ELOVL6: variants seen among roughly 807,000 people sequenced by gnomAD.
ELOVL6 encodes ELOVL fatty acid elongase 6, also known as very long chain fatty acid elongase 6.
In ELOVL6, 8 loss-of-function variants were observed where a neutral mutation model predicts 31.7. The ratio of observed to expected loss-of-function variants is 0.25; its 90% CI spans 0.15 to 0.45. The LOEUF is 0.45. ELOVL6 is among the 20% of genes least tolerant of loss of function. The probability of loss-of-function intolerance (pLI) is 1.00; values close to 1 mark genes in which losing one functional copy is unlikely to be tolerated. For missense variants in ELOVL6, 126 were observed against 326.4 expected, an observed-to-expected ratio of 0.39 and a Z score of 4.73; for synonymous variants, 101 against 117.7, an observed-to-expected ratio of 0.86 and a Z score of 0.92.
chr4:110,058,290 G>T (rs921865119), intron 3 of ELOVL6, among the ~76,000 whole-genome samples: 2 of 136,810 alleles, frequency 1.5e-5, no homozygotes, highest in East Asian at 2.7e-4. Context: ...GTCTGTTGGA[G>T]GGGGGGAGCG....
At chr4:110,094,475 AAT>A (rs1210922461) in intron 2 of ELOVL6, among the ~76,000 whole-genome samples, 4 of 137,004 alleles carry the variant, frequency 2.9e-5, no homozygotes, top group Non-Finnish European at 6.2e-5. Context: ...TTACATATAA[AAT>A]ATATGTAATT....
rs1754766897 is a variant in ELOVL6 at position 110,048,922 on chromosome 4, C to G, written c.*2416G>C. The G allele has an allele frequency of 6.6e-6, 1 of 152,194 alleles. No homozygotes were observed. The highest frequency in any genetic ancestry group is 2.4e-5 in the African/African-American group (1 of 41,462). The allele number at this position is 152,194 out of a possible 1,614,324, so 9.4% of individuals were successfully genotyped here. On this transcript the variant is annotated 3_prime_UTR_variant, in exon 4 of 4. Coordinates refer to ENST00000302274, the MANE Select transcript of ELOVL6 (RefSeq NM_024090.3). ...AGAGTCTTTTTAAGGTTTATGCTCA[C>G]TTCCGTTTCTAACCTGCATTAAGAG... is the stretch of plus-strand genomic sequence containing the variant.
chr4:110,123,168 G>A lies in ELOVL6; in HGVS notation c.90-17540C>T, dbSNP rs139084446. Among the ~76,000 whole-genome samples the A allele has an allele frequency of 9.3e-3, 1,411 of 152,174 alleles. 22 individuals are homozygous for A. The highest frequency in any genetic ancestry group is 0.033 in the African/African-American group (1,363 of 41,512). ...GTGTTTTGGACATACTTTTAACAGG[G>A]AAAATACATTATTGAAGACTAAATA... is the stretch of plus-strand genomic sequence containing the variant. On this transcript the variant is annotated intron_variant, in intron 1 of 3. Coordinates refer to ENST00000302274, the MANE Select transcript of ELOVL6 (RefSeq NM_024090.3).
At chr4:110,151,356 T>A (rs1205690490) in intron 1 of ELOVL6, among the ~76,000 whole-genome samples, 9 of 152,118 alleles carry the variant, frequency 5.9e-5, no homozygotes. Context: ...ATATAATAAT[T>A]TTAATAATTT....
intron 1 of ELOVL6, among the ~76,000 whole-genome samples, chr4:110,190,126 CT>C (rs912576745): frequency 1.3e-5 from 2 of 152,068 alleles, no homozygotes; most frequent in Non-Finnish European, 2.9e-5. Context: ...ATATGAATCC[CT>C]GTAAATAAAA....
intron 3 of ELOVL6, among the ~76,000 whole-genome samples, chr4:110,054,759 T>C (rs981546174): frequency 2.0e-5 from 3 of 152,122 alleles, no homozygotes; most frequent in Non-Finnish European, 2.9e-5. Flanking sequence ...AATGGCTTTG[T>C]GTTTCTCCTG....
intron 3 of ELOVL6, among the ~76,000 whole-genome samples, chr4:110,056,125 G>T (rs181030754): frequency 3.0e-4 from 42 of 142,056 alleles, no homozygotes; most frequent in Admixed American, 2.4e-3. Flanking sequence ...TGGGAGCTGG[G>T]GGGGGGGATA....
At chr4:110,134,680 A>G (rs7667291) in intron 1 of ELOVL6, among the ~76,000 whole-genome samples, 85,533 of 152,002 alleles carry the variant, frequency 0.56, 25,619 homozygotes, top group African/African-American at 0.77. Context: ...GATGATGTGA[A>G]CTGGGTGTGG....
At chr4:110,087,968 G>A (rs1160903515) in intron 2 of ELOVL6, among the ~76,000 whole-genome samples, 6 of 152,034 alleles carry the variant, frequency 3.9e-5, no homozygotes, top group Non-Finnish European at 8.8e-5. Context: ...TCCGGCCTTC[G>A]TGAAGGTTAC....
intron 2 of ELOVL6, among the ~76,000 whole-genome samples, chr4:110,077,340 A>C (rs1483821680): frequency 1.3e-5 from 2 of 152,168 alleles, no homozygotes; most frequent in Non-Finnish European, 2.9e-5. Context: ...GGCACCCCCC[A>C]GTAGGGACAG....
intron 2 of ELOVL6, among the ~76,000 whole-genome samples, chr4:110,084,342 A>ATAAC (rs1756106667): frequency 1.5e-5 from 1 of 66,310 alleles, no homozygotes; most frequent in African/African-American, 1.0e-4. Context: ...TATCACATAT[A>ATAAC]TGATATATGA....
At chr4:110,189,874 G>C (rs1419095316) in intron 1 of ELOVL6, among the ~76,000 whole-genome samples, 1 of 151,666 alleles carries the variant, frequency 6.6e-6, no homozygotes, top group Non-Finnish European at 1.5e-5. Context: ...GGCTGAGGCA[G>C]GAGAATGGTG....
chr4:110,056,125 G>GGT (rs1553953513), intron 3 of ELOVL6, among the ~76,000 whole-genome samples: 3 of 141,964 alleles, frequency 2.1e-5, no homozygotes, highest in African/African-American at 8.5e-5. Flanking sequence ...TGGGAGCTGG[G>GGT]GGGGGGGATA....
intron 2 of ELOVL6, among the ~76,000 whole-genome samples, chr4:110,091,594 T>G (rs1039284164): frequency 6.6e-6 from 1 of 152,194 alleles, no homozygotes; most frequent in Non-Finnish European, 1.5e-5. Context: ...GCTGAATAAC[T>G]AATGATTCAT....
intron 2 of ELOVL6, among the ~76,000 whole-genome samples, chr4:110,077,042 G>T (rs186943107): frequency 0.011 from 1,662 of 152,338 alleles, 89 homozygotes; most frequent in Admixed American, 0.092. Context: ...TGGGAGAGGG[G>T]CGCCTGCCAT....
At chr4:110,180,181 G>C (rs1479562065) in intron 1 of ELOVL6, among the ~76,000 whole-genome samples, 2 of 152,040 alleles carry the variant, frequency 1.3e-5, no homozygotes, top group Admixed American at 1.3e-4. Flanking sequence ...TCCATATAAT[G>C]CAAGTTCACC....
intron 1 of ELOVL6, among the ~76,000 whole-genome samples, chr4:110,182,293 T>C (rs1759299381): frequency 6.6e-6 from 1 of 152,204 alleles, no homozygotes; most frequent in South Asian, 2.1e-4. Flanking sequence ...GAAACAAGTT[T>C]ATTGTGACAT....
chr4:110,175,439 A>G (rs1759074042), intron 1 of ELOVL6, among the ~76,000 whole-genome samples: 1 of 152,138 alleles, frequency 6.6e-6, no homozygotes, highest in Admixed American at 6.6e-5. Context: ...GAAAAATCCT[A>G]TTTTATAGGG....
intron 2 of ELOVL6, among the ~76,000 whole-genome samples, chr4:110,101,730 G>A (rs1332027735): frequency 6.6e-6 from 1 of 152,024 alleles, no homozygotes; most frequent in Non-Finnish European, 1.5e-5. Flanking sequence ...TTTGAGTGCA[G>A]TGGTGCTAAA....
Sources: allele counts gnomAD v4.1 joint callset (sites outside exome capture counted in the v4.1 genomes callset), GRCh38; gene constraint gnomAD v4.1.1; transcripts MANE v1.5; gene names NCBI Gene and HGNC (gene_info 2026-07-23, HGNC 2026-07-21).